RTN4RL2: variants seen among roughly 807,000 people sequenced by gnomAD.
The protein encoded by RTN4RL2 is reticulon 4 receptor like 2, also known as reticulon-4 receptor-like 2.
A neutral mutation model predicts 27.8 loss-of-function variants in RTN4RL2; 9 were observed. The ratio of observed to expected loss-of-function variants is 0.32; its 90% CI spans 0.20 to 0.57. The LOEUF is 0.57. RTN4RL2 is among the 20% of genes least tolerant of loss of function. The pLI is 0.90. For synonymous variants in RTN4RL2, 285 were observed against 297.9 expected, an observed-to-expected ratio of 0.96 and a Z score of 0.45; for missense variants, 436 against 596.8, an observed-to-expected ratio of 0.73 and a Z score of 2.81.
intron 2 of RTN4RL2, among the ~76,000 whole-genome samples, chr11:57,472,922 G>A (rs1391520792): frequency 2.0e-5 from 3 of 152,206 alleles, no homozygotes; most frequent in Admixed American, 1.3e-4. Context: ...ACGTTCCACT[G>A]CATATTAGCT....
intron 2 of RTN4RL2, among the ~76,000 whole-genome samples, chr11:57,471,786 C>T (rs568352520): frequency 6.6e-6 from 1 of 152,340 alleles, no homozygotes; most frequent in East Asian, 1.9e-4. Context: ...CAGGAGAGAA[C>T]AGAAACAGTG....
At chr11:57,468,741 C>T (rs1943543768) in intron 2 of RTN4RL2, 1 of 1,535,940 alleles carries the variant, frequency 6.5e-7, no homozygotes, top group Non-Finnish European at 8.7e-7. Context: ...TCTAGATTCC[C>T]ATTTTCCAAA....
Position 57,468,185 on chromosome 11 carries a change from TC to T in RTN4RL2, c.513+99del, listed in dbSNP as rs1317018708. 20 of 1,306,172 alleles carry T rather than the reference TC, an allele frequency of 1.5e-5. No individual in the cohort carries two copies. The Admixed American group carries it at 2.5e-4, about 16-fold the overall frequency. The allele number at this position is 1,306,172 out of a possible 1,614,324, so 80.9% of individuals were successfully genotyped here. ...GACCCTGGCGTGCGTCCCTCCTCTC[TC>T]CCCAGGCCACCCTTCCTGCCTCAGC... On this transcript the variant is annotated intron_variant, in intron 2 of 2. Coordinates refer to ENST00000335099, the MANE Select transcript of RTN4RL2 (RefSeq NM_178570.3).
intron 2 of RTN4RL2, among the ~76,000 whole-genome samples, chr11:57,470,158 G>C (rs960724485): frequency 2.0e-5 from 3 of 152,106 alleles, no homozygotes; most frequent in Non-Finnish European, 2.9e-5. Context: ...TCAAATCCTG[G>C]CTCCTATATA....
intron 2 of RTN4RL2, among the ~76,000 whole-genome samples, chr11:57,473,952 C>A (rs1217843776): frequency 6.6e-6 from 1 of 152,130 alleles, no homozygotes; most frequent in Non-Finnish European, 1.5e-5. Flanking sequence ...GTGGATTACC[C>A]CTGCTCACTC....
chr11:57,469,234 G>GACCAAACCCCCTGCCTTCACAGAGAT (rs1943547265), intron 2 of RTN4RL2, among the ~76,000 whole-genome samples: 1 of 152,210 alleles, frequency 6.6e-6, no homozygotes, highest in Non-Finnish European at 1.5e-5. Flanking sequence ...GAACAGAACA[G>GACCAAACCCCCTGCCTTCACAGAGAT]ACCAAACCCC....
chr11:57,476,501 G>A lies in RTN4RL2; in HGVS notation c.853G>A (p.Asp285Asn), dbSNP rs760558840. 2.1e-5 allele frequency: 31 copies of A among 1,494,902 alleles called. No individual in the cohort carries two copies. The highest frequency in any genetic ancestry group is 2.8e-5 in the East Asian group (1 of 35,778). The allele number at this position is 1,494,902 out of a possible 1,614,324, so 92.6% of individuals were successfully genotyped here. Residue 285 changes from aspartate (D) to asparagine (N), a missense_variant, in exon 3 of 3, where the codon GAC (aspartate) becomes AAC (asparagine). Asp to Asn is a conservative substitution (Grantham distance 23). Transcript: ENST00000335099. This position sits in a 1 kb window ranked among gnomAD's most constrained non-coding sequence, Gnocchi z 8.2. ...CCAGCGCGCGCGCGTGTCCAGCTCCGACGTGACCTGCGCCACCCCCCCGGA... is the reference window on the plus strand; with the variant it reads ...CCAGCGCGCGCGCGTGTCCAGCTCCAACGTGACCTGCGCCACCCCCCCGGA... ...WFQRARVSSS[D>N]VTCATPPERQ...
intron 2 of RTN4RL2, among the ~76,000 whole-genome samples, chr11:57,475,353 C>T (rs1590734380): frequency 6.6e-6 from 1 of 152,030 alleles, no homozygotes; most frequent in Middle Eastern, 3.2e-3. Flanking sequence ...TGGACCAAAT[C>T]CCTGTGTGCT....
At chr11:57,465,852 A>G (rs1246270999) in intron 1 of RTN4RL2, among the ~76,000 whole-genome samples, 1 of 146,566 alleles carries the variant, frequency 6.8e-6, no homozygotes, top group Non-Finnish European at 1.5e-5. Flanking sequence ...CTTTGGGGGA[A>G]AAAAAAAAAA....
rs2135125315 is a variant in RTN4RL2 at position 57,476,372 on chromosome 11, C to T, written c.724C>T (p.Leu242=). 1 of 1,609,106 alleles carries T rather than the reference C, an allele frequency of 6.2e-7. No individual in the cohort carries two copies. The highest frequency in any genetic ancestry group is 2.2e-5 in the East Asian group (1 of 44,814). The change falls in exon 3 of 3, where the codon CTG becomes TTG. Residue 242 remains leucine (L), a synonymous_variant. Coordinates refer to ENST00000335099, the MANE Select transcript of RTN4RL2 (RefSeq NM_178570.3). This position sits in a 1 kb window ranked among gnomAD's most constrained non-coding sequence, Gnocchi z 8.2. ...LYLFNNSLAS[L]PGEALADLPS... is the part of the protein sequence containing the mutation. ...CCTGTTCAACAACAGCCTGGCCTCG[C>T]TGCCCGGCGAGGCGCTCGCCGACCT... is the stretch of plus-strand genomic sequence containing the variant.
chr11:57,477,027 TC>T lies in RTN4RL2; in HGVS notation c.*119del. The T allele has an allele frequency of 9.6e-7, 1 of 1,042,718 alleles. No individual in the cohort carries two copies. The highest frequency in any genetic ancestry group is 1.3e-6 in the Non-Finnish European group (1 of 753,116). 64.6% of individuals were successfully genotyped at this position (1,042,718 alleles called of 1,614,324 possible). ...CTGGCCTTGCTGCCTCCCTTTCCCC[TC>T]CCAGCTCCTCTCCTCCCCGGGGAGC... On this transcript the variant is annotated 3_prime_UTR_variant, in exon 3 of 3. Transcript: ENST00000335099.
chr11:57,467,949 C>A lies in RTN4RL2; in HGVS notation c.372C>A (p.Pro124=), dbSNP rs774778201. The change falls in exon 2 of 3, where the codon CCC becomes CCA. Residue 124 remains proline (P), a synonymous_variant. Transcript: ENST00000335099. This position sits in a 1 kb window ranked among gnomAD's most constrained non-coding sequence, Gnocchi z 5.5. ...GDNRHLRSLE[P]DTFQGLERLQ... ...ACCGGCACCTGCGCTCGCTGGAGCC[C>A]GACACCTTCCAGGGCCTGGAGCGGC... 6.2e-7 allele frequency: 1 copy of A among 1,612,646 alleles called. No homozygotes were observed. The highest frequency in any genetic ancestry group is 8.5e-7 in the Non-Finnish European group (1 of 1,179,982).
chr11:57,468,762 C>A, intron 2 of RTN4RL2: 2 of 1,532,640 alleles, frequency 1.3e-6, no homozygotes, highest in Non-Finnish European at 8.7e-7. Flanking sequence ...CCTGTCATCT[C>A]AATGCAGGGG....
At chr11:57,469,757 A>G (rs1943550674) in intron 2 of RTN4RL2, among the ~76,000 whole-genome samples, 1 of 152,234 alleles carries the variant, frequency 6.6e-6, no homozygotes, top group Admixed American at 6.5e-5. Context: ...TGCACCTCAC[A>G]GTTTATGAAG....
At chr11:57,471,881 C>T (rs535953310) in intron 2 of RTN4RL2, among the ~76,000 whole-genome samples, 10 of 151,668 alleles carry the variant, frequency 6.6e-5, no homozygotes, top group East Asian at 1.9e-4. Flanking sequence ...TTTTTTGAGA[C>T]GAAGTCTCGC....
At chr11:57,469,029 A>C in intron 2 of RTN4RL2, 2 of 616,152 alleles carry the variant, frequency 3.2e-6, no homozygotes, top group African/African-American at 1.8e-5. Context: ...AAATATCCAA[A>C]TTCTGCCCTC....
chr11:57,474,257 C>T (rs886069097), intron 2 of RTN4RL2, among the ~76,000 whole-genome samples: 3 of 151,986 alleles, frequency 2.0e-5, no homozygotes, highest in Non-Finnish European at 4.4e-5. Flanking sequence ...TTGAGGGGGA[C>T]GGATCTCAAT....
At chr11:57,474,535 T>C (rs1565116652) in intron 2 of RTN4RL2, among the ~76,000 whole-genome samples, 1 of 152,030 alleles carries the variant, frequency 6.6e-6, no homozygotes, top group African/African-American at 2.4e-5. Flanking sequence ...GCAGAGTGGA[T>C]GCTCCTGTTC....
In RTN4RL2 at chr11:57,467,135, A is replaced by T. The variant is rs1590731349; in HGVS notation, c.32-474A>T. On this transcript the variant is annotated intron_variant, in intron 1 of 2. Transcript: ENST00000335099. This position sits in a 1 kb window ranked among gnomAD's most constrained non-coding sequence, Gnocchi z 5.5. ...GAAGCCTCAGAAAGTGGAAGTGGCC[A>T]GGCCACTTGAGGCTATAACGTTGTC... Among the ~76,000 whole-genome samples the T allele has an allele frequency of 6.6e-6, 1 of 152,244 alleles. No individual in the cohort carries two copies. Among genetic ancestry groups the T allele is most frequent in the East Asian group, 1.9e-4 (1 of 5,194 alleles).
Sources: gnomAD v4.1 joint callset for allele counts (sites outside exome capture counted in the v4.1 genomes callset) on GRCh38, gnomAD v4.1.1 for gene constraint, Gnocchi (gnomAD v3.1) non-coding constraint, MANE v1.5 for transcripts, NCBI Gene and HGNC (gene_info 2026-07-23, HGNC 2026-07-21) for gene names.